DHCR7: variants seen among roughly 807,000 people sequenced by gnomAD.
DHCR7 encodes the protein 7-DHC reductase.
DHCR7 carries 40 observed loss-of-function variants against 43.3 expected under a neutral mutation model. That is an observed-to-expected ratio of 0.92 (90% CI 0.72 to 1.20). The LOEUF is 1.20. DHCR7 is among the 50% of genes most tolerant of loss of function. The pLI, the probability that DHCR7 is intolerant of heterozygous loss-of-function variation, is 0.00. For synonymous variants in DHCR7, 298 were observed against 271.4 expected, an observed-to-expected ratio of 1.10 and a Z score of -0.96; for missense variants, 608 against 644.6, an observed-to-expected ratio of 0.94 and a Z score of 0.62.
downstream of DHCR7, among the ~76,000 whole-genome samples, chr11:71,432,451 T>C (rs1949233323): frequency 6.6e-6 from 1 of 152,240 alleles, no homozygotes; most frequent in African/African-American, 2.4e-5. Context: ...TTGTTTATAT[T>C]TATGGGGTAC....
intron 4 of DHCR7, 41 bp from the exon 5 acceptor site, chr11:71,442,394 G>T: frequency 6.9e-7 from 1 of 1,458,114 alleles, no homozygotes; most frequent in Non-Finnish European, 9.6e-7. Context: ...CGCCTGGAGG[G>T]CACCTGCAAA....
At chr11:71,432,647 G>C (rs1454486049), downstream of DHCR7, among the ~76,000 whole-genome samples, 1 of 152,178 alleles carries the variant, frequency 6.6e-6, no homozygotes, top group Non-Finnish European at 1.5e-5. Flanking sequence ...ACAGATCTCA[G>C]AAACTTATTC....
At chr11:71,435,861 G>T (rs781503283) in intron 8 of DHCR7, 22 bp from the exon 9 acceptor site, 1 of 1,584,414 alleles carries the variant, frequency 6.3e-7, no homozygotes, top group Non-Finnish European at 8.6e-7. Flanking sequence ...GGGGGAAGGG[G>T]TCAAGCGGTG....
chr11:71,435,878 C>A, intron 8 of DHCR7, 39 bp from the exon 9 acceptor site: 1 of 1,556,262 alleles, frequency 6.4e-7, no homozygotes, highest in Admixed American at 1.7e-5. Flanking sequence ...GGTGCTTTGC[C>A]CAGGGAGAGG....
intron 8 of DHCR7, among the ~76,000 whole-genome samples, chr11:71,436,719 C>A (rs1949285707): frequency 1.3e-5 from 2 of 152,060 alleles, no homozygotes; most frequent in African/African-American, 4.8e-5. Context: ...TTCCCTGGGG[C>A]TCCAGGCTGC....
intron 6 of DHCR7, among the ~76,000 whole-genome samples, chr11:71,440,361 G>A (rs1005002548): frequency 6.6e-6 from 1 of 152,022 alleles, no homozygotes; most frequent in Non-Finnish European, 1.5e-5. Context: ...TGGGTGGGTG[G>A]CTAGATGTGT....
Position 71,435,798 on chromosome 11 carries a change from C to A in DHCR7, c.1005G>T (p.Pro335=), listed in dbSNP as rs768765843. The A allele has an allele frequency of 6.2e-7, 1 of 1,606,892 alleles. No homozygotes were observed. The highest frequency in any genetic ancestry group is 8.5e-7 in the Non-Finnish European group (1 of 1,175,650). ...LVYHPVQLST[P]HAVGVLLLGL... is the part of the protein sequence containing the mutation. The stretch of plus-strand genomic sequence containing the variant: ...CCAGCAGCAGGACGCCCACGGCGTG[C>A]GGGGTGGACAGCTGCACGGGGTGGT... Residue 335 remains proline (P), a synonymous_variant, in exon 9 of 9, where the codon CCG becomes CCT. Transcript: ENST00000355527.
At chr11:71,429,565 G>A (rs1201772855), downstream of DHCR7, among the ~76,000 whole-genome samples, 1 of 152,178 alleles carries the variant, frequency 6.6e-6, no homozygotes, top group Admixed American at 6.6e-5. Context: ...TGAGGGAGGG[G>A]AGTCAGGGAT....
intron 5 of DHCR7, 152 bp downstream of exon 5, chr11:71,442,111 T>G: frequency 3.0e-6 from 2 of 661,872 alleles, no homozygotes; most frequent in Admixed American, 2.3e-5. Flanking sequence ...CTGCCCTCAA[T>G]GGTTTTGAGG....
chr11:71,449,042 G>C (rs1032804493), upstream of DHCR7, among the ~76,000 whole-genome samples: 1 of 152,214 alleles, frequency 6.6e-6, no homozygotes, highest in Non-Finnish European at 1.5e-5. Flanking sequence ...CTGAGCCACA[G>C]TGCGAGCCGG....
At chr11:71,432,737 AC>A (rs60027353), downstream of DHCR7, among the ~76,000 whole-genome samples, 1,637 of 152,204 alleles carry the variant, frequency 0.011, 27 homozygotes, top group African/African-American at 0.037. Context: ...TTTGGCCTCT[AC>A]CAGTTGCTAG....
Position 71,438,971 on chromosome 11 carries a change from C to T in DHCR7, c.739G>A (p.Ala247Thr), listed in dbSNP as rs767031102. 3.7e-6 allele frequency: 6 copies of T among 1,614,074 alleles called. No homozygotes were observed. Among genetic ancestry groups the T allele is most frequent in the East Asian group, 2.2e-5 (1 of 44,876 alleles). The change falls in exon 7 of 9, where the codon GCC becomes ACC. Residue 247 changes from alanine (A) to threonine (T), a missense_variant. Physicochemically the swap from Ala to Thr is moderately conservative, Grantham distance 58. Coordinates refer to ENST00000355527, the MANE Select transcript of DHCR7 (RefSeq NM_001360.3). ...LFFNGRPGIVAWTLINLSFAA... is the reference protein window; with the variant it reads ...LFFNGRPGIVTWTLINLSFAA... ...AAGGACAGGTTGATGAGGGTCCAGGCGACGATCCCGGGGCGCCCATTGAAG... is the reference window on the plus strand; with the variant it reads ...AAGGACAGGTTGATGAGGGTCCAGGTGACGATCCCGGGGCGCCCATTGAAG...
chr11:71,430,123 AAC>A (rs1949221196), downstream of DHCR7, among the ~76,000 whole-genome samples: 3 of 152,314 alleles, frequency 2.0e-5, no homozygotes, highest in African/African-American at 7.2e-5. Flanking sequence ...TGATGAAATA[AAC>A]ACACAGAGGG....
intron 2 of DHCR7, 126 bp from the exon 3 acceptor site, chr11:71,445,084 G>C (rs867623382): frequency 1.2e-5 from 9 of 759,460 alleles, no homozygotes; most frequent in Non-Finnish European, 2.1e-5. Context: ...CCGGTACCTT[G>C]TTCCTGACAG....
chr11:71,438,762 G>T, intron 7 of DHCR7, 117 bp downstream of exon 7: 2 of 1,110,430 alleles, frequency 1.8e-6, no homozygotes, highest in Non-Finnish European at 2.6e-6. Flanking sequence ...CCTGGGGAGG[G>T]CAGCTGACTC....
rs2135939416 is a variant in DHCR7 at position 71,435,405 on chromosome 11, C to T, written c.1398G>A (p.Val466=). The T allele has an allele frequency of 6.2e-7, 1 of 1,612,582 alleles. No homozygotes were observed. Among genetic ancestry groups the T allele is most frequent in the South Asian group, 1.1e-5 (1 of 91,088 alleles). Residue 466 remains valine, a synonymous_variant, in exon 9 of 9, where the codon GTG becomes GTA. Coordinates refer to ENST00000355527, the MANE Select transcript of DHCR7 (RefSeq NM_001360.3). The stretch of plus-strand genomic sequence containing the variant: ...AGATTCCAGGCAGCAGGCGGTAAGG[C>T]ACTGCGGCGGTGTAGCGCTCCCAGT... ...GRDWERYTAA[V]PYRLLPGIF
At chr11:71,437,144 A>G (rs1447973057) in intron 8 of DHCR7, among the ~76,000 whole-genome samples, 4 of 152,204 alleles carry the variant, frequency 2.6e-5, no homozygotes, top group Admixed American at 2.6e-4. Flanking sequence ...TCCATCCCAC[A>G]GGACTGGCTG....
At chr11:71,440,382 GTAGGTGGA>G (rs2135943857) in intron 6 of DHCR7, among the ~76,000 whole-genome samples, 2 of 151,158 alleles carry the variant, frequency 1.3e-5, no homozygotes, top group African/African-American at 4.9e-5. Flanking sequence ...AGGTGGGTGG[GTAGGTGGA>G]TAGGTGGATG....
chr11:71,436,185 C>G (rs138968669), intron 8 of DHCR7, among the ~76,000 whole-genome samples: 127 of 152,308 alleles, frequency 8.3e-4, no homozygotes, highest in Middle Eastern at 3.4e-3. Flanking sequence ...CTTGGCCAGG[C>G]CATTGTTCCC....
Sources: allele counts gnomAD v4.1 joint callset (sites outside exome capture counted in the v4.1 genomes callset), GRCh38; gene constraint gnomAD v4.1.1; transcripts MANE v1.5; gene names NCBI Gene and HGNC (gene_info 2026-07-23, HGNC 2026-07-21).